Variants in RPS6KC1 observed in about 807,000 individuals in gnomAD.
The protein encoded by RPS6KC1 is ribosomal protein S6 kinase C1.
A neutral mutation model predicts 103.8 loss-of-function variants in RPS6KC1; 54 were observed. The ratio of observed to expected loss-of-function variants is 0.52; its 90% CI spans 0.42 to 0.65. The LOEUF is 0.65. Among genes scored for constraint, RPS6KC1 ranks in the 30% least tolerant of loss-of-function variants. The pLI, the probability that RPS6KC1 is intolerant of heterozygous loss-of-function variation, is 0.00. For missense variants in RPS6KC1, 1,151 were observed against 1,253.8 expected (o/e 0.92, Z 1.24); for synonymous variants, 439 against 438.7 (o/e 1.00, Z -0.01).
At chr1:213,133,395 T>G (rs2085879312) in intron 6 of RPS6KC1, among the ~76,000 whole-genome samples, 2 of 152,172 alleles carry the variant, frequency 1.3e-5, no homozygotes, top group South Asian at 4.1e-4. Flanking sequence ...CCTGTCACTG[T>G]ACAAGGTATT....
At chr1:213,547,835 T>G in the RPS6KC1 span, among the ~76,000 whole-genome samples, 1 of 152,216 alleles carries the variant, frequency 6.6e-6, no homozygotes, top group South Asian at 2.1e-4. Flanking sequence ...GTTGCCATGC[T>G]TCTTGTACTG....
the RPS6KC1 span, among the ~76,000 whole-genome samples, chr1:213,559,530 A>G: frequency 2.0e-5 from 3 of 152,322 alleles, no homozygotes; most frequent in Admixed American, 1.3e-4. Flanking sequence ...TATAAGACAC[A>G]TGCCTCACCT....
the RPS6KC1 span, among the ~76,000 whole-genome samples, chr1:213,713,852 G>A: frequency 1.3e-5 from 2 of 152,148 alleles, no homozygotes; most frequent in African/African-American, 4.8e-5. Context: ...TTGCATTTCA[G>A]CATGCACTCC....
At chr1:213,675,352 C>A in the RPS6KC1 span, among the ~76,000 whole-genome samples, 1 of 152,164 alleles carries the variant, frequency 6.6e-6, no homozygotes, top group African/African-American at 2.4e-5. Context: ...ATCTTTGTGT[C>A]CAGAATGGTG....
the RPS6KC1 span, among the ~76,000 whole-genome samples, chr1:213,628,302 T>C: frequency 1.3e-5 from 2 of 152,162 alleles, no homozygotes; most frequent in African/African-American, 4.8e-5. Context: ...TCTATTTAAT[T>C]CTTCTCTCTT....
At chr1:213,833,975 T>C in the RPS6KC1 span, among the ~76,000 whole-genome samples, 7 of 152,360 alleles carry the variant, frequency 4.6e-5, no homozygotes, top group Middle Eastern at 3.4e-3. Flanking sequence ...ATGGAAAATG[T>C]TAATTTCACC....
the RPS6KC1 span, among the ~76,000 whole-genome samples, chr1:213,748,354 G>T: frequency 6.6e-6 from 1 of 152,174 alleles, no homozygotes; most frequent in African/African-American, 2.4e-5. Context: ...GCAGATTTTT[G>T]AGGGCTTATG....
At chr1:213,323,562 T>G in the RPS6KC1 span, among the ~76,000 whole-genome samples, 1 of 152,190 alleles carries the variant, frequency 6.6e-6, no homozygotes, top group East Asian at 1.9e-4. Context: ...CCAGGGTTCA[T>G]GCACAAACTG....
chr1:213,728,258 T>C, the RPS6KC1 span, among the ~76,000 whole-genome samples: 1 of 152,174 alleles, frequency 6.6e-6, no homozygotes, highest in South Asian at 2.1e-4. Flanking sequence ...GCTAGAGTAC[T>C]TGGGGCGTCT....
At chr1:213,243,342 A>G (rs532206284) in intron 12 of RPS6KC1, among the ~76,000 whole-genome samples, 21 of 152,112 alleles carry the variant, frequency 1.4e-4, no homozygotes, top group Middle Eastern at 3.4e-3. Flanking sequence ...CTGGTCCTGA[A>G]CACCTGGCCT....
intron 12 of RPS6KC1, among the ~76,000 whole-genome samples, chr1:213,250,637 A>G (rs547682753): frequency 6.6e-6 from 1 of 152,328 alleles, no homozygotes; most frequent in South Asian, 2.1e-4. Context: ...TTTCAAGTAC[A>G]AGGTCCCTGT....
chr1:213,446,596 A>G, the RPS6KC1 span, among the ~76,000 whole-genome samples: 1 of 152,316 alleles, frequency 6.6e-6, no homozygotes, highest in Non-Finnish European at 1.5e-5. Context: ...GATGTAAACC[A>G]TAGCCACAAA....
chr1:213,371,022 A>C, the RPS6KC1 span, among the ~76,000 whole-genome samples: 1 of 152,154 alleles, frequency 6.6e-6, no homozygotes, highest in Non-Finnish European at 1.5e-5. Context: ...AATAGAGTTA[A>C]GTACATTCAC....
chr1:213,728,956 T>TG, the RPS6KC1 span, among the ~76,000 whole-genome samples: 1 of 142,192 alleles, frequency 7.0e-6, no homozygotes, highest in Non-Finnish European at 1.5e-5. Context: ...TTGTTTTTTT[T>TG]TTTTTTTTTA....
rs145587517 is a variant in RPS6KC1 at position 213,191,643 on chromosome 1, C to G, written c.1044+15151C>G. On this transcript the variant is annotated intron_variant, in intron 8 of 14. Coordinates refer to ENST00000366960, the MANE Select transcript of RPS6KC1 (RefSeq NM_012424.6). Reference sequence around the variant, plus strand: ...GATGCTCTTTATTTCTTTCTCTTGTCTGATTGCTCTAGCAAAGACTTCTGG... The same window carrying G: ...GATGCTCTTTATTTCTTTCTCTTGTGTGATTGCTCTAGCAAAGACTTCTGG... 1.5e-3 allele frequency among the ~76,000 whole-genome samples: 225 copies of G among 151,972 alleles called. 3 individuals are homozygous for G. The East Asian group carries it at 0.038, about 26-fold the overall frequency.
chr1:213,116,933 G>A (rs967209223), intron 4 of RPS6KC1, among the ~76,000 whole-genome samples: 18 of 152,310 alleles, frequency 1.2e-4, no homozygotes, highest in African/African-American at 3.8e-4. Context: ...CTGTTAGTCT[G>A]ATGGGCTTCC....
the RPS6KC1 span, among the ~76,000 whole-genome samples, chr1:213,691,909 G>A: frequency 6.6e-6 from 1 of 152,226 alleles, no homozygotes; most frequent in African/African-American, 2.4e-5. Flanking sequence ...TCAAGGACAA[G>A]CGACGCAGAA....
intron 6 of RPS6KC1, among the ~76,000 whole-genome samples, chr1:213,140,643 G>T (rs2086905429): frequency 6.6e-6 from 1 of 152,044 alleles, no homozygotes; most frequent in Non-Finnish European, 1.5e-5. Flanking sequence ...CACATTTATT[G>T]ATTTGCATCT....
chr1:213,571,286 C>A, the RPS6KC1 span, among the ~76,000 whole-genome samples: 1 of 152,204 alleles, frequency 6.6e-6, no homozygotes, highest in East Asian at 1.9e-4. Flanking sequence ...GAGCCAGCCA[C>A]TGAAGGGGAC....
Sources: gnomAD v4.1 joint callset for allele counts (sites outside exome capture counted in the v4.1 genomes callset) on GRCh38, gnomAD v4.1.1 for gene constraint, MANE v1.5 for transcripts, NCBI Gene and HGNC (gene_info 2026-07-23, HGNC 2026-07-21) for gene names.